The following ATXN1 variants were observed in gnomAD, a reference collection of about 807,000 sequenced individuals.
ATXN1 encodes the protein ataxin 1.
ATXN1 carries 8 observed loss-of-function variants against 56.4 expected under a neutral mutation model. The observed-to-expected ratio is 0.14, with a 90% CI of 0.08 to 0.26. ATXN1 has a LOEUF of 0.26. Ranked by LOEUF, ATXN1 falls within the 10% of genes least tolerant of loss-of-function variation. ATXN1 has a pLI of 1.00. For missense variants in ATXN1, 987 were observed against 1,106.5 expected (o/e 0.89, Z 1.53); for synonymous variants, 514 against 494.6 (o/e 1.04, Z -0.52).
intron 6 of ATXN1, among the ~76,000 whole-genome samples, chr6:16,433,888 G>A (rs1356753306): frequency 6.6e-6 from 1 of 152,182 alleles, no homozygotes; most frequent in East Asian, 1.9e-4. Flanking sequence ...CCTGCCAAAC[G>A]AGGGTCACGA....
intron 7 of ATXN1, among the ~76,000 whole-genome samples, chr6:16,321,824 T>G (rs909522): frequency 0.21 from 32,663 of 152,174 alleles, 4,129 homozygotes; most frequent in African/African-American, 0.36. Context: ...CTTGGTTTTT[T>G]GTTAACCGAC....
chr6:16,372,090 A>G (rs1165654914), intron 6 of ATXN1, among the ~76,000 whole-genome samples: 1 of 152,242 alleles, frequency 6.6e-6, no homozygotes, highest in Non-Finnish European at 1.5e-5. Flanking sequence ...TAGAAAATCA[A>G]CAAATTAAGG....
chr6:16,636,893 T>G lies in ATXN1; in HGVS notation c.-489+20883A>C, dbSNP rs113314131. Among the ~76,000 whole-genome samples the G allele has an allele frequency of 9.7e-3, 1,470 of 152,324 alleles. 8 individuals carry two copies. Among genetic ancestry groups the G allele is most frequent in the South Asian group, 0.018 (88 of 4,828 alleles). The stretch of plus-strand genomic sequence containing the variant: ...AGAAATAGGAACACTTTTACACTGT[T>G]GGTGGGCCTGCAAACTAGTTCAACC... On this transcript the variant is annotated intron_variant, in intron 3 of 7. Transcript: ENST00000436367.
chr6:16,362,517 G>A (rs562633099), intron 6 of ATXN1, among the ~76,000 whole-genome samples: 19 of 151,938 alleles, frequency 1.3e-4, no homozygotes, highest in Non-Finnish European at 2.2e-4. Flanking sequence ...CTCCCGCCCG[G>A]TCCCTCTCCT....
intron 1 of ATXN1, among the ~76,000 whole-genome samples, chr6:16,757,473 G>A (rs1760920506): frequency 6.6e-6 from 1 of 152,158 alleles, no homozygotes; most frequent in Non-Finnish European, 1.5e-5. Context: ...CCTTATAAAA[G>A]TTGAGTAGCT....
At chr6:16,464,263 G>A (rs1458725319) in intron 6 of ATXN1, among the ~76,000 whole-genome samples, 1 of 152,156 alleles carries the variant, frequency 6.6e-6, no homozygotes, top group African/African-American at 2.4e-5. Flanking sequence ...GCACCAATAA[G>A]TGCTCTGTAA....
At chr6:16,483,343 C>T (rs893647652) in intron 6 of ATXN1, among the ~76,000 whole-genome samples, 1 of 152,200 alleles carries the variant, frequency 6.6e-6, no homozygotes, top group African/African-American at 2.4e-5. Flanking sequence ...ACTCCTAGAC[C>T]CTGTTTATGT....
chr6:16,433,268 T>C (rs1759322998), intron 6 of ATXN1, among the ~76,000 whole-genome samples: 1 of 152,226 alleles, frequency 6.6e-6, no homozygotes, highest in South Asian at 2.1e-4. Flanking sequence ...TACTAGTTAT[T>C]AGTTCACAGC....
chr6:16,308,364 ACAC>A (rs1401244926), intron 7 of ATXN1, among the ~76,000 whole-genome samples: 4 of 140,278 alleles, frequency 2.9e-5, no homozygotes, highest in Non-Finnish European at 6.2e-5. Context: ...ACACACACAC[ACAC>A]ACTTCCTGGG....
intron 6 of ATXN1, among the ~76,000 whole-genome samples, chr6:16,427,801 C>T (rs1759188738): frequency 6.6e-6 from 1 of 151,990 alleles, no homozygotes; most frequent in African/African-American, 2.4e-5. Context: ...TGTGTGCACC[C>T]AAAAAAGAAA....
intron 2 of ATXN1, among the ~76,000 whole-genome samples, chr6:16,704,459 G>GAAGTAAGCCATAATT (rs3841158): frequency 0.13 from 19,141 of 152,134 alleles, 1,603 homozygotes; most frequent in East Asian, 0.34. Context: ...CTTGCCCAGG[G>GAAGTAAGCCATAATT]ACTGCCATAA....
In ATXN1 at chr6:16,303,366, T is replaced by TC. The variant is rs11453731; in HGVS notation, c.*2962dup. 29,403 of 152,188 alleles carry TC rather than the reference T, an allele frequency of 0.19. 3,067 individuals are homozygous for TC. Among genetic ancestry groups the TC allele is most frequent in the Admixed American group, 0.26 (3,992 of 15,262 alleles). 9.4% of individuals were successfully genotyped at this position (152,188 alleles called of 1,614,324 possible). A position where few individuals can be genotyped will look rare whatever the true frequency, so the allele number is the denominator to read the frequency against. On this transcript the variant is annotated 3_prime_UTR_variant, in exon 8 of 8. Coordinates refer to ENST00000436367, the MANE Select transcript of ATXN1 (RefSeq NM_001128164.2). This position sits in a 1 kb window ranked among gnomAD's most constrained non-coding sequence, Gnocchi z 4.3. ...GCAGACGCACGGGGCTCCTGAAGGCTCCCCGCCCCAGCACTCAGCATCCGC... is the reference window on the plus strand; with the variant it reads ...GCAGACGCACGGGGCTCCTGAAGGCTCCCCCGCCCCAGCACTCAGCATCCGC...
Position 16,393,902 on chromosome 6 carries a change from C to A in ATXN1, c.-160-65432G>T, listed in dbSNP as rs1157423104. Among the ~76,000 whole-genome samples, 6 of 135,896 alleles carry A rather than the reference C, an allele frequency of 4.4e-5. No homozygotes were observed. In the South Asian group the frequency reaches 8.6e-4, roughly 20 times the overall value. 89.2% of individuals were successfully genotyped at this position (135,896 alleles called of 152,430 possible). On this transcript the variant is annotated intron_variant, in intron 6 of 7. Coordinates refer to ENST00000436367, the MANE Select transcript of ATXN1 (RefSeq NM_001128164.2). ...AACATGGGATTCTAACATGGAATCA[C>A]CTTTTTTTTTTTTTTTTTGTAATTC...
chr6:16,393,390 A>G (rs1758393683), intron 6 of ATXN1, among the ~76,000 whole-genome samples: 1 of 152,134 alleles, frequency 6.6e-6, no homozygotes. Flanking sequence ...ATGTACAACC[A>G]TACCCGGCTA....
At chr6:16,688,254 AC>A (rs2113412535) in intron 2 of ATXN1, among the ~76,000 whole-genome samples, 1 of 152,352 alleles carries the variant, frequency 6.6e-6, no homozygotes, top group South Asian at 2.1e-4. Flanking sequence ...TGCTAAACAA[AC>A]AAAAAAGGAC....
chr6:16,470,165 T>C (rs1760189608), intron 6 of ATXN1, among the ~76,000 whole-genome samples: 1 of 152,096 alleles, frequency 6.6e-6, no homozygotes, highest in Non-Finnish European at 1.5e-5. Context: ...GGAAGGAAAT[T>C]CTGACATGCT....
chr6:16,595,611 T>C (rs1762800507), intron 3 of ATXN1, among the ~76,000 whole-genome samples: 1 of 152,250 alleles, frequency 6.6e-6, no homozygotes, highest in South Asian at 2.1e-4. Flanking sequence ...AGTGTGTTCT[T>C]TCTCCATTAT....
intron 3 of ATXN1, among the ~76,000 whole-genome samples, chr6:16,624,049 G>A (rs969852631): frequency 6.6e-6 from 1 of 152,120 alleles, no homozygotes; most frequent in Admixed American, 6.6e-5. Context: ...TTTCAATTTT[G>A]CAAAATAAAA....
At chr6:16,675,361 A>G (rs1758638916) in intron 2 of ATXN1, among the ~76,000 whole-genome samples, 1 of 152,220 alleles carries the variant, frequency 6.6e-6, no homozygotes, top group Admixed American at 6.5e-5. Context: ...ATCTGAAAAT[A>G]TCACATGACT....
Sources: allele counts gnomAD v4.1 joint callset (sites outside exome capture counted in the v4.1 genomes callset), GRCh38; gene constraint gnomAD v4.1.1; non-coding constraint Gnocchi (gnomAD v3.1); transcripts MANE v1.5; gene names NCBI Gene and HGNC (gene_info 2026-07-23, HGNC 2026-07-21).